Variants in INTS10 observed in about 807,000 individuals in gnomAD.
INTS10 encodes the protein integrator complex subunit 10.
A neutral mutation model predicts 94.4 loss-of-function variants in INTS10; 44 were observed. That is an observed-to-expected ratio of 0.47 (90% CI 0.37 to 0.60). The LOEUF (loss-of-function observed/expected upper bound fraction) is 0.60, where lower values mean the gene tolerates loss of function less well. Among genes scored for constraint, INTS10 ranks in the 20% least tolerant of loss-of-function variants. The probability of loss-of-function intolerance (pLI) is 0.00; values close to 1 mark genes in which losing one functional copy is unlikely to be tolerated. For missense variants in INTS10, 797 were observed against 868.7 expected (o/e 0.92, Z 1.04); for synonymous variants, 341 against 320.7 (o/e 1.06, Z -0.68).
At chr8:19,819,790 T>A in intron 3 of INTS10, 114 bp downstream of exon 3, 1 of 725,198 alleles carries the variant, frequency 1.4e-6, no homozygotes, top group Middle Eastern at 3.7e-4. Flanking sequence ...TGTTTTATTC[T>A]TGGCAACCAA....
Position 19,851,504 on chromosome 8 carries a change from G to A in INTS10, c.1977-145G>A. On this transcript the variant is annotated intron_variant, in intron 16 of 16. Transcript: ENST00000397977. The surrounding 1 kb of genome is among the most constrained non-coding windows in gnomAD (Gnocchi z 5.0). ...GAGAAATGGGCTGGAATGTTTGGTT[G>A]GTTGCAGCTATTCTTGTGTTCTTTT... 1 of 689,282 alleles carries A rather than the reference G, an allele frequency of 1.5e-6. No homozygotes were observed. The highest frequency in any genetic ancestry group is 2.5e-6 in the Non-Finnish European group (1 of 405,856). The allele number at this position is 689,282 out of a possible 1,614,324, so 42.7% of individuals were successfully genotyped here. A position where few individuals can be genotyped will look rare whatever the true frequency, so the allele number is the denominator to read the frequency against.
At chr8:19,824,480 A>C (rs1156852923) in intron 7 of INTS10, 5 of 202,026 alleles carry the variant, frequency 2.5e-5, no homozygotes, top group Non-Finnish European at 3.8e-5. Flanking sequence ...TGACAGAGTG[A>C]GACCCTGTCT....
intron 7 of INTS10, 196 bp from the exon 8 acceptor site, chr8:19,824,607 G>T (rs1302241318): frequency 8.1e-6 from 4 of 496,728 alleles, no homozygotes; most frequent in African/African-American, 4.0e-5. Context: ...TACTTAGCAT[G>T]TTTGTGTCAT....
intron 1 of INTS10, 53 bp from the exon 2 acceptor site, chr8:19,818,222 T>A: frequency 6.4e-7 from 1 of 1,568,772 alleles, no homozygotes. Context: ...CTGGATGAGC[T>A]GGGAGCCTTC....
In INTS10 at chr8:19,843,985, C is replaced by A; in HGVS notation, c.1720-91C>A. On this transcript the variant is annotated intron_variant, in intron 14 of 16. Transcript: ENST00000397977. This position sits in a 1 kb window ranked among gnomAD's most constrained non-coding sequence, Gnocchi z 4.7. ...GACGTTTATCACACATTTGCATATA[C>A]AGCATATTTTTGGAAAGTGATGTTT... 1 of 978,144 alleles carries A rather than the reference C, an allele frequency of 1.0e-6. No individual in the cohort carries two copies. Among genetic ancestry groups the A allele is most frequent in the Non-Finnish European group, 1.5e-6 (1 of 652,346 alleles). The allele number at this position is 978,144 out of a possible 1,614,324, so 60.6% of individuals were successfully genotyped here. A position where few individuals can be genotyped will look rare whatever the true frequency, so the allele number is the denominator to read the frequency against.
chr8:19,819,516 T>A, intron 2 of INTS10, 57 bp from the exon 3 acceptor site: 1 of 1,339,510 alleles, frequency 7.5e-7, no homozygotes, highest in South Asian at 1.5e-5. Context: ...ACGTTTTTTC[T>A]TTTGGATACT....
intron 9 of INTS10, 72 bp from the exon 10 acceptor site, chr8:19,830,333 CA>C: frequency 1.5e-6 from 2 of 1,320,008 alleles, no homozygotes; most frequent in Admixed American, 2.5e-5. Context: ...GCCAAACTGG[CA>C]GCAATAATAT....
Position 19,849,134 on chromosome 8 carries a change from G to A in INTS10, c.1977-2515G>A, listed in dbSNP as rs1328831667. On this transcript the variant is annotated intron_variant, in intron 16 of 16. Transcript: ENST00000397977. The surrounding 1 kb of genome is among the most constrained non-coding windows in gnomAD (Gnocchi z 4.6). Reference sequence around the variant, plus strand: ...GCAGGGTGAGTCGGTGTGGGTGTTTGAATGCTGCTGTTTGCTGTTTTTTAA... The same window carrying A: ...GCAGGGTGAGTCGGTGTGGGTGTTTAAATGCTGCTGTTTGCTGTTTTTTAA... 8.2e-7 allele frequency: 1 copy of A among 1,216,258 alleles called. No homozygotes were observed. Among genetic ancestry groups the A allele is most frequent in the African/African-American group, 1.6e-5 (1 of 64,458 alleles). 75.3% of individuals were successfully genotyped at this position (1,216,258 alleles called of 1,614,324 possible).
chr8:19,823,799 ACTTT>A (rs2066577801), intron 6 of INTS10, 70 bp from the exon 7 acceptor site: 5 of 1,322,866 alleles, frequency 3.8e-6, no homozygotes, highest in South Asian at 1.5e-5. Context: ...GGGGAGTCAG[ACTTT>A]CTTTATCAGG....
intron 12 of INTS10, among the ~76,000 whole-genome samples, chr8:19,835,134 G>A (rs936422506): frequency 3.3e-5 from 5 of 152,018 alleles, no homozygotes; most frequent in African/African-American, 1.2e-4. Flanking sequence ...TTACTCTAGC[G>A]AATCCTTTTG....
chr8:19,832,569 A>G (rs1281192899), intron 11 of INTS10, among the ~76,000 whole-genome samples: 2 of 152,180 alleles, frequency 1.3e-5, no homozygotes, highest in African/African-American at 2.4e-5. Context: ...CCTTGTCTCA[A>G]AAACAAAACG....
chr8:19,845,051 C>T (rs566931353), intron 15 of INTS10, among the ~76,000 whole-genome samples: 3 of 152,172 alleles, frequency 2.0e-5, no homozygotes, highest in African/African-American at 7.2e-5. Flanking sequence ...GTGTGCACTA[C>T]CATACCAGGC....
chr8:19,818,460 C>T, intron 2 of INTS10, 118 bp downstream of exon 2: 1 of 998,158 alleles, frequency 1.0e-6, no homozygotes, highest in East Asian at 2.4e-5. Flanking sequence ...TCTTCGATAC[C>T]TAAAGCAAAC....
At chr8:19,850,501 T>C (rs1163854249) in intron 16 of INTS10, among the ~76,000 whole-genome samples, 1 of 152,150 alleles carries the variant, frequency 6.6e-6, no homozygotes, top group African/African-American at 2.4e-5. Flanking sequence ...TTTTTTCTTT[T>C]CATCTGTTGT....
intron 9 of INTS10, among the ~76,000 whole-genome samples, chr8:19,828,724 T>TG (rs1201252025): frequency 6.1e-5 from 9 of 148,146 alleles, no homozygotes; most frequent in Admixed American, 1.3e-4. Context: ...CGGTTGTGGT[T>TG]TTTTTTTTTT....
chr8:19,827,513 C>T (rs1057179366), intron 9 of INTS10, among the ~76,000 whole-genome samples: 6 of 152,182 alleles, frequency 3.9e-5, no homozygotes, highest in Non-Finnish European at 8.8e-5. Flanking sequence ...TTCTCTGCCT[C>T]GTCCTCTACC....
chr8:19,834,260 A>G (rs1027338677), intron 12 of INTS10, among the ~76,000 whole-genome samples: 5 of 152,164 alleles, frequency 3.3e-5, no homozygotes, highest in African/African-American at 7.2e-5. Context: ...TCAGCCCTCT[A>G]TATGTTGTTG....
At chr8:19,823,565 A>G (rs1223520557) in intron 6 of INTS10, 124 bp downstream of exon 6, 6 of 730,212 alleles carry the variant, frequency 8.2e-6, no homozygotes, top group Non-Finnish European at 1.3e-5. Flanking sequence ...GTTTCAAAAG[A>G]TGGTATCTAG....
chr8:19,822,450 G>T lies in INTS10; in HGVS notation c.453G>T (p.Gly151=). 6.2e-7 allele frequency: 1 copy of T among 1,607,942 alleles called. No individual in the cohort carries two copies. Among genetic ancestry groups the T allele is most frequent in the Non-Finnish European group, 8.5e-7 (1 of 1,174,712 alleles). Reference sequence around the variant, plus strand: ...TTGTTTTGAAATAGGTTGGCCTTGGGGAGGCACTATTAGAGGCTGAAACTA... The same window carrying T: ...TTGTTTTGAAATAGGTTGGCCTTGGTGAGGCACTATTAGAGGCTGAAACTA... ...ETVVQHGVGL[G]EALLEAETIE... is the part of the protein sequence containing the mutation. Residue 151 remains glycine (G), a synonymous_variant, in exon 5 of 17, where the codon GGG becomes GGT. Transcript: ENST00000397977.
Sources: allele counts gnomAD v4.1 joint callset (sites outside exome capture counted in the v4.1 genomes callset), GRCh38; gene constraint gnomAD v4.1.1; non-coding constraint Gnocchi (gnomAD v3.1); transcripts MANE v1.5; gene names NCBI Gene and HGNC (gene_info 2026-07-23, HGNC 2026-07-21).